Variants in INSL6 observed in about 807,000 individuals in gnomAD.
The protein encoded by INSL6 is insulin-like peptide INSL6.
INSL6 carries 16 observed loss-of-function variants against 9.4 expected under a neutral mutation model. The observed-to-expected ratio is 1.70, with a 90% confidence interval of 1.15 to 2.59. INSL6 has a LOEUF of 2.59. Ranked by LOEUF, INSL6 falls within the 30% of genes most tolerant of loss-of-function variation. The pLI, the probability that INSL6 is intolerant of heterozygous loss-of-function variation, is 0.00. For missense variants in INSL6, 391 were observed against 257.3 expected (o/e 1.52, Z -3.56); for synonymous variants, 154 against 96.9 (o/e 1.59, Z -3.46).
At chr9:5,032,711 A>C in the INSL6 span, among the ~76,000 whole-genome samples, 1 of 152,160 alleles carries the variant, frequency 6.6e-6, no homozygotes, top group Non-Finnish European at 1.5e-5. Flanking sequence ...AAAACTAACA[A>C]ACAGAAATGA....
chr9:5,024,702 AG>A, the INSL6 span, among the ~76,000 whole-genome samples: 1 of 152,136 alleles, frequency 6.6e-6, no homozygotes, highest in Non-Finnish European at 1.5e-5. Flanking sequence ...AGATAGCAAC[AG>A]CTTGTTCATT....
the INSL6 span, among the ~76,000 whole-genome samples, chr9:5,057,150 A>T: frequency 6.6e-6 from 1 of 152,074 alleles, no homozygotes; most frequent in African/African-American, 2.4e-5. Flanking sequence ...TGATCATTTT[A>T]TTCATATTGA....
the INSL6 span, chr9:5,072,654 T>C: frequency 3.3e-6 from 5 of 1,517,132 alleles, no homozygotes; most frequent in South Asian, 3.9e-5. Context: ...ATTGTTCATG[T>C]AGTTTATGCT....
At chr9:5,089,884 T>C in the INSL6 span, 1 of 1,429,158 alleles carries the variant, frequency 7.0e-7, no homozygotes, top group Non-Finnish European at 9.2e-7. Flanking sequence ...CATTGAAACC[T>C]ATTTTAAATT....
chr9:5,121,660 A>G (rs574810111), downstream of INSL6, among the ~76,000 whole-genome samples: 6 of 152,314 alleles, frequency 3.9e-5, no homozygotes, highest in South Asian at 1.0e-3. Context: ...GAGATTTTTA[A>G]AAGATTTACA....
At chr9:5,031,226 G>A in the INSL6 span, among the ~76,000 whole-genome samples, 1 of 152,256 alleles carries the variant, frequency 6.6e-6, no homozygotes, top group East Asian at 1.9e-4. Flanking sequence ...TGTAAATTGA[G>A]AATTATTAAA....
downstream of INSL6, chr9:5,123,217 T>C (rs755327731): frequency 6.9e-6 from 5 of 727,806 alleles, no homozygotes; most frequent in South Asian, 3.8e-5. Context: ...CATGCATACA[T>C]TGCATAGTGG....
At chr9:5,099,199 T>G in the INSL6 span, 1 of 152,196 alleles carries the variant, frequency 6.6e-6, no homozygotes, top group African/African-American at 2.4e-5. Flanking sequence ...TCAAACTACC[T>G]TAACCACTGG....
the INSL6 span, among the ~76,000 whole-genome samples, chr9:5,118,655 A>G: frequency 1.3e-5 from 2 of 152,202 alleles, no homozygotes; most frequent in Non-Finnish European, 2.9e-5. Context: ...TGCACTTTAC[A>G]GATGTAAACG....
intron 3 of INSL6, chr9:5,127,258 ATAGT>A (rs1258547462): frequency 4.3e-6 from 1 of 232,464 alleles, no homozygotes; most frequent in Non-Finnish European, 8.5e-6. Context: ...TAATTTTTCC[ATAGT>A]TAATCTATAA....
At chr9:5,048,265 C>T in the INSL6 span, among the ~76,000 whole-genome samples, 2 of 152,014 alleles carry the variant, frequency 1.3e-5, no homozygotes, top group Non-Finnish European at 2.9e-5. Context: ...ACTCAGCCTC[C>T]CTAGTAGCTG....
intron 2 of INSL6, among the ~76,000 whole-genome samples, chr9:5,136,635 C>T (rs1451516266): frequency 6.6e-6 from 1 of 152,142 alleles, no homozygotes; most frequent in Admixed American, 6.5e-5. Context: ...ATCATAAGAG[C>T]TATTTATGAC....
At chr9:5,061,206 C>T in the INSL6 span, among the ~76,000 whole-genome samples, 1 of 152,176 alleles carries the variant, frequency 6.6e-6, no homozygotes, top group African/African-American at 2.4e-5. Context: ...GGTAAATGAG[C>T]GCTGGTTTGA....
At chr9:5,073,108 A>G in the INSL6 span, among the ~76,000 whole-genome samples, 1 of 152,206 alleles carries the variant, frequency 6.6e-6, no homozygotes, top group Non-Finnish European at 1.5e-5. Flanking sequence ...GATACTTACA[A>G]TATCTTAAAG....
rs550550089 is a variant in INSL6 at position 5,172,643 on chromosome 9, GCCAGGC to G, written c.290-8384_290-8379del. On this transcript the variant is annotated intron_variant, in intron 1 of 1. Coordinates refer to ENST00000381641, the MANE Select transcript of INSL6 (RefSeq NM_007179.3). Reference sequence around the variant, plus strand: ...AAACAAACAATCCGCTTAAAGAGTGGCCAGGCCAGGTGCAGTGGCTCACGCCTGTAA... The same window carrying G: ...AAACAAACAATCCGCTTAAAGAGTGGCAGGTGCAGTGGCTCACGCCTGTAA... 2.2e-4 allele frequency among the ~76,000 whole-genome samples: 34 copies of G among 152,098 alleles called. 1 individual carries two copies. The East Asian group carries it at 5.8e-3, about 26-fold the overall frequency.
the INSL6 span, among the ~76,000 whole-genome samples, chr9:5,032,014 A>T: frequency 3.3e-5 from 5 of 152,254 alleles, no homozygotes; most frequent in Admixed American, 3.3e-4. Context: ...TCCTAGTCAA[A>T]GAAAGGGGTG....
At chr9:5,088,825 A>G in the INSL6 span, among the ~76,000 whole-genome samples, 1 of 152,282 alleles carries the variant, frequency 6.6e-6, no homozygotes, top group East Asian at 1.9e-4. Flanking sequence ...TAGCCTTGTC[A>G]CATTAGAGTT....
At chr9:5,077,323 A>G in the INSL6 span, 1 of 320,804 alleles carries the variant, frequency 3.1e-6, no homozygotes, top group Admixed American at 5.1e-5. Flanking sequence ...AGTTTTCTTT[A>G]AAGTTGTGAG....
the INSL6 span, chr9:5,022,058 A>G: frequency 6.2e-7 from 1 of 1,614,136 alleles, no homozygotes; most frequent in Non-Finnish European, 8.5e-7. Flanking sequence ...CAGAATGGTG[A>G]TATTTCTGGA....
Sources: gnomAD v4.1 joint callset for allele counts (sites outside exome capture counted in the v4.1 genomes callset) on GRCh38, gnomAD v4.1.1 for gene constraint, MANE v1.5 for transcripts, NCBI Gene and HGNC (gene_info 2026-07-23, HGNC 2026-07-21) for gene names.